DENND1A: variants seen among roughly 807,000 people sequenced by gnomAD.
The protein encoded by DENND1A is DENN domain-containing protein 1A.
Under a neutral mutation model 113.7 loss-of-function variants are expected in DENND1A, and 51 were observed. The observed-to-expected ratio is 0.45, with a 90% CI of 0.36 to 0.57. The LOEUF (loss-of-function observed/expected upper bound fraction) is 0.57, where lower values mean the gene tolerates loss of function less well. Ranked by LOEUF, DENND1A falls within the 20% of genes least tolerant of loss-of-function variation. The pLI, the probability that DENND1A is intolerant of heterozygous loss-of-function variation, is 0.00. For missense variants in DENND1A, 1,258 were observed against 1,395.9 expected (o/e 0.90, Z 1.57); for synonymous variants, 565 against 570.8 (o/e 0.99, Z 0.14).
At chr9:123,827,721 T>G (rs1839578078) in intron 2 of DENND1A, among the ~76,000 whole-genome samples, 1 of 152,082 alleles carries the variant, frequency 6.6e-6, no homozygotes, top group Non-Finnish European at 1.5e-5. Flanking sequence ...AGTAAGTGCT[T>G]TAGGCTTTGG....
chr9:123,607,608 G>C (rs1370095432), intron 11 of DENND1A, among the ~76,000 whole-genome samples: 1 of 144,824 alleles, frequency 6.9e-6, no homozygotes, highest in Non-Finnish European at 1.5e-5. Flanking sequence ...GGGGAAGACT[G>C]GGGGAGACAT....
chr9:123,731,488 G>T (rs1228112540), intron 5 of DENND1A, among the ~76,000 whole-genome samples: 4 of 152,092 alleles, frequency 2.6e-5, no homozygotes, highest in Non-Finnish European at 5.9e-5. Flanking sequence ...AATGGTGCTG[G>T]AACAACTAGA....
chr9:123,619,713 C>T (rs2060842062), intron 10 of DENND1A, among the ~76,000 whole-genome samples: 1 of 152,064 alleles, frequency 6.6e-6, no homozygotes, highest in South Asian at 2.1e-4. Context: ...CACTGCAGTT[C>T]GGGCCAGAAC....
chr9:123,674,342 T>TCTCTCACA (rs36033303), intron 6 of DENND1A, among the ~76,000 whole-genome samples: 342 of 132,352 alleles, frequency 2.6e-3, no homozygotes, highest in African/African-American at 4.6e-3. Context: ...TGTCTCTCTC[T>TCTCTCACA]CACACACACA....
Position 123,457,448 on chromosome 9 carries a change from G to C in DENND1A, c.1099-13C>G. 6.2e-7 allele frequency: 1 copy of C among 1,603,444 alleles called. No individual in the cohort carries two copies. Among genetic ancestry groups the C allele is most frequent in the Non-Finnish European group, 8.5e-7 (1 of 1,170,504 alleles). On this transcript the variant is annotated splice_polypyrimidine_tract_variant and intron_variant, in intron 14 of 23. Transcript: ENST00000394215. ...GACCATCAATAAACTATAGAAAGAA[G>C]GAACAAAAGCACAACAGCTCGTACA...
At chr9:123,556,977 G>C (rs576324659) in intron 13 of DENND1A, among the ~76,000 whole-genome samples, 7 of 152,356 alleles carry the variant, frequency 4.6e-5, no homozygotes, top group Admixed American at 3.3e-4. Context: ...GGCCCAGAAA[G>C]GGGGAAGGGC....
At chr9:123,414,269 T>C in intron 19 of DENND1A, 1 of 1,320,422 alleles carries the variant, frequency 7.6e-7, no homozygotes. Context: ...AACGAGATGA[T>C]GGACGTCAGG....
intron 5 of DENND1A, among the ~76,000 whole-genome samples, chr9:123,730,087 C>T (rs1018570544): frequency 2.0e-5 from 3 of 152,162 alleles, no homozygotes; most frequent in Admixed American, 6.5e-5. Context: ...CCCTTCCTTA[C>T]ACCTTAAACA....
rs760950776 is a variant in DENND1A, at chr9:123,382,379, C to T, written c.2266G>A (p.Gly756Ser). Reference sequence around the variant, plus strand: ...TGGGGCCGGGGGATGGTGATGCTGCCCAGAGTAGGGGTGGGCACCTCCTCC... The same window carrying T: ...TGGGGCCGGGGGATGGTGATGCTGCTCAGAGTAGGGGTGGGCACCTCCTCC... Reference protein sequence around the residue: ...DKEEVPTPTLGSITIPRPQGR... With the variant: ...DKEEVPTPTLSSITIPRPQGR... The change falls in exon 24 of 24, where the codon GGC (glycine) becomes AGC (serine). Residue 756 changes from glycine to serine, a missense_variant. This residue lies in a region of DENND1A where 1,159 missense variants were observed against 1,231.7 expected (regional missense o/e 0.94). Transcript: ENST00000394215. 73 of 1,599,026 alleles carry T rather than the reference C, an allele frequency of 4.6e-5. 1 individual carries two copies. The highest frequency in any genetic ancestry group is 6.1e-5 in the Non-Finnish European group (72 of 1,172,820).
rs764472720 is a variant in DENND1A, at chr9:123,671,278, C to A, written c.453+13G>T. The A allele has an allele frequency of 6.2e-7, 1 of 1,613,828 alleles. No homozygotes were observed. Among genetic ancestry groups the A allele is most frequent in the Non-Finnish European group, 8.5e-7 (1 of 1,179,936 alleles). ...TGCGTTTTCAGTGATGGCTAATACT[C>A]CGCCCCACTTACCACGCTGAGATGG... On this transcript the variant is annotated intron_variant, in intron 7 of 23. Coordinates refer to ENST00000394215, the MANE Select transcript of DENND1A (RefSeq NM_001352964.2).
chr9:123,768,885 T>C (rs1351770435), intron 4 of DENND1A, among the ~76,000 whole-genome samples: 4 of 151,340 alleles, frequency 2.6e-5, no homozygotes, highest in African/African-American at 9.7e-5. Context: ...ATTTTAATTG[T>C]CTTAGAGTTC....
At chr9:123,438,498 C>T (rs527897542) in intron 19 of DENND1A, among the ~76,000 whole-genome samples, 4 of 152,144 alleles carry the variant, frequency 2.6e-5, no homozygotes, top group Admixed American at 6.5e-5. Context: ...TAAGGCATCT[C>T]GCGGCTGTGG....
At chr9:123,531,400 T>C (rs1344715432) in intron 13 of DENND1A, among the ~76,000 whole-genome samples, 1 of 152,188 alleles carries the variant, frequency 6.6e-6, no homozygotes, top group Non-Finnish European at 1.5e-5. Context: ...TGAGTCTTTT[T>C]CTTCCTTTCA....
chr9:123,646,493 A>G (rs979124117), intron 9 of DENND1A, among the ~76,000 whole-genome samples: 22 of 152,126 alleles, frequency 1.4e-4, no homozygotes, highest in Admixed American at 3.9e-4. Context: ...AAATAATAAT[A>G]GATGCAGGAG....
chr9:123,847,096 G>T (rs1290986683), intron 2 of DENND1A, among the ~76,000 whole-genome samples: 1 of 152,068 alleles, frequency 6.6e-6, no homozygotes, highest in African/African-American at 2.4e-5. Flanking sequence ...TTTCACATTG[G>T]CCTCCCAAAG....
chr9:123,420,282 A>T (rs1351283068), intron 19 of DENND1A, among the ~76,000 whole-genome samples: 1 of 152,170 alleles, frequency 6.6e-6, no homozygotes, highest in Non-Finnish European at 1.5e-5. Context: ...GTAGACAGGG[A>T]AAGGGAAGCC....
In DENND1A at chr9:123,403,436, C is replaced by T; in HGVS notation, c.1597G>A (p.Glu533Lys). 1 of 1,614,170 alleles carries T rather than the reference C, an allele frequency of 6.2e-7. No individual in the cohort carries two copies. The highest frequency in any genetic ancestry group is 8.5e-7 in the Non-Finnish European group (1 of 1,180,040). ...CTCGGCACAGACGTCCTCCGGCCTTCCACTGCGATGTTGCTCTTTGGTCTC... is the reference window on the plus strand; with the variant it reads ...CTCGGCACAGACGTCCTCCGGCCTTTCACTGCGATGTTGCTCTTTGGTCTC... Reference protein sequence around the residue: ...VKRPKSNIAVEGRRTSVPSPE... With the variant: ...VKRPKSNIAVKGRRTSVPSPE... The change falls in exon 21 of 24, where the codon GAA becomes AAA. Residue 533 changes from glutamate (E) to lysine (K), a missense_variant. This residue lies in a region of DENND1A where 1,159 missense variants were observed against 1,231.7 expected (regional missense o/e 0.94). Coordinates refer to ENST00000394215, the MANE Select transcript of DENND1A (RefSeq NM_001352964.2).
intron 19 of DENND1A, among the ~76,000 whole-genome samples, chr9:123,416,121 C>T (rs1183919323): frequency 2.6e-5 from 4 of 152,258 alleles, no homozygotes; most frequent in African/African-American, 9.6e-5. Flanking sequence ...CCCGAGAGGA[C>T]GGCAGAGCTG....
rs142690972 is a variant in DENND1A at position 123,399,092 on chromosome 9, G to A, written c.1631+4310C>T. Among the ~76,000 whole-genome samples the A allele has an allele frequency of 1.6e-4, 24 of 152,236 alleles. No individual in the cohort carries two copies. In the South Asian group the frequency reaches 2.5e-3, roughly 16 times the overall value. On this transcript the variant is annotated intron_variant, in intron 21 of 23. Transcript: ENST00000394215. ...ATTACAGGTGTGAGCCACCGCGCCC[G>A]GCCGTGGCCTGCTTTTAATAGGAGG... is the stretch of plus-strand genomic sequence containing the variant.
Sources: allele counts gnomAD v4.1 joint callset (sites outside exome capture counted in the v4.1 genomes callset), GRCh38; gene constraint gnomAD v4.1.1; regional missense constraint gnomAD v4.1.1; transcripts MANE v1.5; gene names NCBI Gene and HGNC (gene_info 2026-07-23, HGNC 2026-07-21).